The following CTNND2 variants were observed in gnomAD, a reference collection of about 807,000 sequenced individuals.
CTNND2 encodes catenin delta-2.
Under a neutral mutation model 144.4 loss-of-function variants are expected in CTNND2, and 22 were observed. The observed-to-expected ratio is 0.15, with a 90% CI of 0.11 to 0.22. CTNND2 has a LOEUF of 0.22. Among genes scored for constraint, CTNND2 ranks in the 10% least tolerant of loss-of-function variants. The probability of loss-of-function intolerance (pLI) is 1.00; values close to 1 mark genes in which losing one functional copy is unlikely to be tolerated. For synonymous variants in CTNND2, 751 were observed against 695.6 expected (o/e 1.08, Z -1.25); for missense variants, 1,353 against 1,618.8 (o/e 0.84, Z 2.82).
In CTNND2 at chr5:11,874,411, C is replaced by G. The variant is rs369198056; in HGVS notation, c.37+29406G>C. ...ATAAAGTGAAATTTATAGTTAGGCA[C>G]AGTGGGAGATTAACAATAACTAATA... On this transcript the variant is annotated intron_variant, in intron 1 of 21. Transcript: ENST00000304623. Among the ~76,000 whole-genome samples the G allele has an allele frequency of 2.6e-5, 4 of 152,080 alleles. No homozygotes were observed. In the East Asian group the frequency reaches 5.8e-4, roughly 22 times the overall value.
In CTNND2 at chr5:11,248,833, AC is replaced by A. The variant is rs1743279344; in HGVS notation, c.1629-12011del. ...ACACATACTTTGGGGCTGACGGTTT[AC>A]CGGAGTCTAGTCTTGGCTAGAACAT... On this transcript the variant is annotated intron_variant, in intron 9 of 21. Transcript: ENST00000304623. 2.0e-5 allele frequency among the ~76,000 whole-genome samples: 3 copies of A among 152,338 alleles called. No homozygotes were observed. The South Asian group carries it at 6.2e-4, about 32-fold the overall frequency.
rs573519810 is a variant in CTNND2, at chr5:11,530,418, T to A, written c.287+34526A>T. ...CAAAAGGTCTCATGGCCTGTGTGTG[T>A]GATTTGGGGAAGTCCCCCTCCCTGC... On this transcript the variant is annotated intron_variant, in intron 3 of 21. Coordinates refer to ENST00000304623, the MANE Select transcript of CTNND2 (RefSeq NM_001332.4). 7.9e-5 allele frequency among the ~76,000 whole-genome samples: 12 copies of A among 152,276 alleles called. No homozygotes were observed. The East Asian group carries it at 2.1e-3, about 27-fold the overall frequency.
rs563790334 is a variant in CTNND2, at chr5:11,681,450, T to A, written c.174+50686A>T. On this transcript the variant is annotated intron_variant, in intron 2 of 21. Coordinates refer to ENST00000304623, the MANE Select transcript of CTNND2 (RefSeq NM_001332.4). ...TGACTTTTCAGGTTCCCTTTCTCTT[T>A]CTTGGTTTGTCTTCTTCAGCAGCCC... 8.5e-5 allele frequency among the ~76,000 whole-genome samples: 13 copies of A among 152,310 alleles called. No individual in the cohort carries two copies. In the South Asian group the frequency reaches 2.5e-3, roughly 29 times the overall value.
At chr5:10,994,056 A>G (rs1047097932) in intron 18 of CTNND2, among the ~76,000 whole-genome samples, 1 of 150,992 alleles carries the variant, frequency 6.6e-6, no homozygotes, top group South Asian at 2.1e-4. Context: ...TGGAAATAAA[A>G]CCAAACTAAT....
intron 2 of CTNND2, among the ~76,000 whole-genome samples, chr5:11,618,315 C>T (rs1393472327): frequency 6.6e-6 from 1 of 152,144 alleles, no homozygotes; most frequent in Non-Finnish European, 1.5e-5. Context: ...TTAGGATCAA[C>T]ACGTTAAAGT....
intron 10 of CTNND2, among the ~76,000 whole-genome samples, chr5:11,221,486 C>G (rs1418291317): frequency 6.6e-6 from 1 of 152,152 alleles, no homozygotes; most frequent in African/African-American, 2.4e-5. Context: ...ATCAGAGGCT[C>G]AAAAGCAGTA....
chr5:11,856,799 G>C (rs1380328004), intron 1 of CTNND2, among the ~76,000 whole-genome samples: 1 of 152,068 alleles, frequency 6.6e-6, no homozygotes, highest in East Asian at 1.9e-4. Context: ...TATGTACTTG[G>C]ACCAGAATAA....
In CTNND2 at chr5:11,564,834, G is replaced by A. The variant is rs912810005; in HGVS notation, c.287+110C>T. On this transcript the variant is annotated intron_variant, in intron 3 of 21. Transcript: ENST00000304623. Reference sequence around the variant, plus strand: ...AGGTCAGTTACAATTTCTTTCCAACGTTTGACTGAATGTTCCAATTCCACC... The same window carrying A: ...AGGTCAGTTACAATTTCTTTCCAACATTTGACTGAATGTTCCAATTCCACC... 21 of 692,344 alleles carry A rather than the reference G, an allele frequency of 3.0e-5. No individual in the cohort carries two copies. The South Asian group carries it at 3.3e-4, about 11-fold the overall frequency. The allele number at this position is 692,344 out of a possible 1,614,324, so 42.9% of individuals were successfully genotyped here.
In CTNND2 at chr5:11,082,654, T is replaced by C. The variant is rs929241564; in HGVS notation, c.2788+42A>G. ...CACACCTACCCCTAGAGAAAATATT[T>C]TCACTTAACACTTGAGACACTGTGA... On this transcript the variant is annotated intron_variant, in intron 16 of 21. Transcript: ENST00000304623. The C allele has an allele frequency of 5.0e-6, 8 of 1,600,676 alleles. No homozygotes were observed. The African/African-American group carries it at 8.0e-5, about 16-fold the overall frequency.
chr5:11,258,316 C>T (rs535053942), intron 9 of CTNND2, among the ~76,000 whole-genome samples: 1 of 152,150 alleles, frequency 6.6e-6, no homozygotes, highest in African/African-American at 2.4e-5. Context: ...GCTGGATGGG[C>T]CCCTGCTCTC....
chr5:11,535,214 T>C (rs941598806), intron 3 of CTNND2, among the ~76,000 whole-genome samples: 11 of 151,704 alleles, frequency 7.3e-5, no homozygotes, highest in African/African-American at 2.7e-4. Context: ...AGACTTCTTA[T>C]GGAACATTCA....
At chr5:11,179,729 TC>T (rs1760821659) in intron 11 of CTNND2, among the ~76,000 whole-genome samples, 1 of 152,178 alleles carries the variant, frequency 6.6e-6, no homozygotes, top group Non-Finnish European at 1.5e-5. Flanking sequence ...TAAATGACTC[TC>T]AGAATAGATA....
intron 1 of CTNND2, among the ~76,000 whole-genome samples, chr5:11,859,795 G>T (rs565492025): frequency 1.3e-5 from 2 of 151,978 alleles, no homozygotes; most frequent in Non-Finnish European, 2.9e-5. Flanking sequence ...TTCATTAATG[G>T]GGTGAAATCA....
At chr5:11,483,911 A>G (rs892096372) in intron 3 of CTNND2, among the ~76,000 whole-genome samples, 3 of 152,250 alleles carry the variant, frequency 2.0e-5, no homozygotes, top group African/African-American at 7.2e-5. Context: ...AGGGATGGAA[A>G]ACTGGATTGG....
At chr5:11,804,060 A>ACT (rs1279416570) in intron 1 of CTNND2, among the ~76,000 whole-genome samples, 1 of 152,118 alleles carries the variant, frequency 6.6e-6, no homozygotes, top group Non-Finnish European at 1.5e-5. Flanking sequence ...GTGGGGCAAG[A>ACT]CTCTGACAGG....
rs1320140040 is a variant in CTNND2, at chr5:11,668,758, A to T, written c.174+63378T>A. On this transcript the variant is annotated intron_variant, in intron 2 of 21. Transcript: ENST00000304623. ...TATCCTAACTGGATACCCTGTATTT[A>T]TTTGTGTTGCCTGACTGCCCTGGCC... Among the ~76,000 whole-genome samples the T allele has an allele frequency of 2.0e-5, 3 of 151,904 alleles. No homozygotes were observed. In the East Asian group the frequency reaches 5.8e-4, roughly 30 times the overall value.
At chr5:11,771,752 TTTCTC>T (rs1410348024) in intron 1 of CTNND2, among the ~76,000 whole-genome samples, 1 of 152,222 alleles carries the variant, frequency 6.6e-6, no homozygotes, top group Non-Finnish European at 1.5e-5. Flanking sequence ...ATATTTAAGT[TTTCTC>T]TAATTTCCCA....
chr5:11,849,605 G>T (rs116076544), intron 1 of CTNND2, among the ~76,000 whole-genome samples: 1 of 152,128 alleles, frequency 6.6e-6, no homozygotes, highest in South Asian at 2.1e-4. Flanking sequence ...GGTTTAGGTA[G>T]TGAGCACACT....
intron 9 of CTNND2, among the ~76,000 whole-genome samples, chr5:11,306,043 G>A (rs1024794585): frequency 6.6e-6 from 1 of 152,214 alleles, no homozygotes; most frequent in Non-Finnish European, 1.5e-5. Context: ...CTTTATACTT[G>A]TTCTTAAATG....
Sources: gnomAD v4.1 joint callset for allele counts (sites outside exome capture counted in the v4.1 genomes callset) on GRCh38, gnomAD v4.1.1 for gene constraint, MANE v1.5 for transcripts, NCBI Gene and HGNC (gene_info 2026-07-23, HGNC 2026-07-21) for gene names.